Variants in ULK4 observed in about 807,000 individuals in gnomAD.
The protein encoded by ULK4 is inactive serine/threonine-protein kinase ULK4.
A neutral mutation model predicts 160.6 loss-of-function variants in ULK4; 133 were observed. That is an observed-to-expected ratio of 0.83 (90% CI 0.72 to 0.96). The LOEUF (loss-of-function observed/expected upper bound fraction) is 0.96, where lower values mean the gene tolerates loss of function less well. ULK4 is among the 40% of genes least tolerant of loss of function. The pLI is 0.00. For missense variants in ULK4, 1,580 were observed against 1,499.5 expected, an observed-to-expected ratio of 1.05 and a Z score of -0.89; for synonymous variants, 534 against 539.8, an observed-to-expected ratio of 0.99 and a Z score of 0.15.
intron 30 of ULK4, among the ~76,000 whole-genome samples, chr3:41,654,247 C>G (rs2034851086): frequency 6.6e-6 from 1 of 152,156 alleles, no homozygotes; most frequent in East Asian, 1.9e-4. Context: ...TAGAACCAGA[C>G]AAGACAACAA....
At chr3:41,850,636 T>C (rs1203804646) in intron 17 of ULK4, among the ~76,000 whole-genome samples, 1 of 133,924 alleles carries the variant, frequency 7.5e-6, no homozygotes, top group Non-Finnish European at 1.6e-5. Flanking sequence ...GTTAATATCC[T>C]TTGCCCACTT....
chr3:41,363,043 G>A (rs535877147), intron 35 of ULK4, among the ~76,000 whole-genome samples: 3 of 152,354 alleles, frequency 2.0e-5, no homozygotes, highest in Admixed American at 6.5e-5. Flanking sequence ...GGAGGGAGGA[G>A]ACCTGCAACT....
intron 30 of ULK4, among the ~76,000 whole-genome samples, chr3:41,633,902 G>C (rs1214707037): frequency 6.6e-6 from 1 of 152,116 alleles, no homozygotes; most frequent in Non-Finnish European, 1.5e-5. Flanking sequence ...GGAGCTCCCT[G>C]TGCAATGATG....
At chr3:41,635,288 T>G (rs1238610614) in intron 30 of ULK4, among the ~76,000 whole-genome samples, 1 of 152,052 alleles carries the variant, frequency 6.6e-6, no homozygotes, top group Non-Finnish European at 1.5e-5. Flanking sequence ...ATGAAAACCT[T>G]AAGATGGATT....
chr3:41,740,436 A>T (rs1217002090), intron 22 of ULK4, among the ~76,000 whole-genome samples: 2 of 151,830 alleles, frequency 1.3e-5, no homozygotes, highest in Non-Finnish European at 2.9e-5. Context: ...AAGGATTATC[A>T]TGTTGAGAGA....
intron 13 of ULK4, chr3:41,899,335 A>T (rs1698273396): frequency 6.6e-6 from 1 of 152,254 alleles, no homozygotes; most frequent in Non-Finnish European, 1.5e-5. Context: ...CAGCTGGGCA[A>T]AAGGTATACA....
chr3:41,771,794 A>G (rs916727721), intron 21 of ULK4, among the ~76,000 whole-genome samples: 1 of 152,244 alleles, frequency 6.6e-6, no homozygotes, highest in African/African-American at 2.4e-5. Context: ...GTACATATAT[A>G]ATACCAATCC....
rs372200631 is a variant in ULK4 at position 41,959,188 on chromosome 3, A to G, written c.-49+2828T>C. On this transcript the variant is annotated intron_variant, in intron 1 of 36. Coordinates refer to ENST00000301831, the MANE Select transcript of ULK4 (RefSeq NM_017886.4). Reference sequence around the variant, plus strand: ...AGACCATCCTGGCTAACACAGTGAAACCCCATCTCTACTAAAAATACAAAA... The same window carrying G: ...AGACCATCCTGGCTAACACAGTGAAGCCCCATCTCTACTAAAAATACAAAA... 2.6e-3 allele frequency among the ~76,000 whole-genome samples: 392 copies of G among 152,258 alleles called. 2 individuals carry two copies. The highest frequency in any genetic ancestry group is 8.4e-3 in the African/African-American group (349 of 41,548).
intron 5 of ULK4, among the ~76,000 whole-genome samples, chr3:41,920,674 G>C (rs1262583646): frequency 2.0e-5 from 3 of 152,124 alleles, no homozygotes; most frequent in Non-Finnish European, 4.4e-5. Context: ...TCTCCAGGAA[G>C]AAAGTAATCT....
chr3:41,449,521 C>T (rs2083378649), intron 34 of ULK4, among the ~76,000 whole-genome samples: 1 of 152,070 alleles, frequency 6.6e-6, no homozygotes, highest in South Asian at 2.1e-4. Flanking sequence ...TCCCCAATCT[C>T]TTGGGTTTGA....
At chr3:41,519,482 CCTT>C (rs1221256760) in intron 32 of ULK4, among the ~76,000 whole-genome samples, 1 of 152,194 alleles carries the variant, frequency 6.6e-6, no homozygotes, top group Non-Finnish European at 1.5e-5. Flanking sequence ...TTAAACTCAA[CCTT>C]CTTCCTCATA....
chr3:41,780,166 A>AT (rs954778879), intron 21 of ULK4, among the ~76,000 whole-genome samples: 1 of 151,366 alleles, frequency 6.6e-6, no homozygotes, highest in Non-Finnish European at 1.5e-5. Context: ...ACAAAAAAAA[A>AT]GCCGAGTGTG....
chr3:41,838,024 C>T (rs2041809829), intron 17 of ULK4, among the ~76,000 whole-genome samples: 2 of 152,190 alleles, frequency 1.3e-5, no homozygotes, highest in Admixed American at 6.5e-5. Context: ...CAGGTCACTT[C>T]TACACAGTCT....
At chr3:41,689,736 A>G (rs1368117886) in intron 27 of ULK4, among the ~76,000 whole-genome samples, 2 of 152,224 alleles carry the variant, frequency 1.3e-5, no homozygotes, top group Non-Finnish European at 2.9e-5. Context: ...CAATACCACA[A>G]TGAGATACCA....
At chr3:41,811,817 G>T (rs2040826321) in intron 19 of ULK4, among the ~76,000 whole-genome samples, 1 of 152,132 alleles carries the variant, frequency 6.6e-6, no homozygotes. Flanking sequence ...ACCTCATCCT[G>T]CGTCATGTTG....
At chr3:41,788,997 T>C (rs1313565422) in intron 21 of ULK4, among the ~76,000 whole-genome samples, 1 of 152,144 alleles carries the variant, frequency 6.6e-6, no homozygotes, top group Non-Finnish European at 1.5e-5. Context: ...ATTCAGAAGG[T>C]CTGCATGGGG....
intron 29 of ULK4, among the ~76,000 whole-genome samples, chr3:41,666,527 C>A (rs2035355875): frequency 6.6e-6 from 1 of 152,174 alleles, no homozygotes; most frequent in Non-Finnish European, 1.5e-5. Context: ...CCACTGCTTA[C>A]CAGTATTTGG....
At chr3:41,479,587 A>T (rs2084250789) in intron 32 of ULK4, among the ~76,000 whole-genome samples, 1 of 152,188 alleles carries the variant, frequency 6.6e-6, no homozygotes, top group Admixed American at 6.5e-5. Flanking sequence ...CTTGGTCAGT[A>T]AACAATGAGA....
At chr3:41,890,010 A>G (rs1697860968) in intron 16 of ULK4, among the ~76,000 whole-genome samples, 1 of 152,272 alleles carries the variant, frequency 6.6e-6, no homozygotes, top group Non-Finnish European at 1.5e-5. Context: ...ACAAAAGGCC[A>G]CATACTGTAT....
Sources: gnomAD v4.1 joint callset for allele counts (sites outside exome capture counted in the v4.1 genomes callset) on GRCh38, gnomAD v4.1.1 for gene constraint, MANE v1.5 for transcripts, NCBI Gene and HGNC (gene_info 2026-07-23, HGNC 2026-07-21) for gene names.